SPIDR: variants seen among roughly 807,000 people sequenced by gnomAD.
SPIDR encodes scaffold protein involved in DNA repair.
SPIDR carries 93 observed loss-of-function variants against 104.6 expected under a neutral mutation model. The observed-to-expected ratio is 0.89, with a 90% CI of 0.75 to 1.06. The LOEUF (loss-of-function observed/expected upper bound fraction) is 1.06, where lower values mean the gene tolerates loss of function less well. Among genes scored for constraint, SPIDR ranks in the 50% least tolerant of loss-of-function variants. The pLI is 0.00. For missense variants in SPIDR, 1,154 were observed against 1,111.2 expected, an observed-to-expected ratio of 1.04 and a Z score of -0.55; for synonymous variants, 431 against 416.9, an observed-to-expected ratio of 1.03 and a Z score of -0.41.
intron 11 of SPIDR, among the ~76,000 whole-genome samples, chr8:47,680,590 AT>A: frequency 6.6e-6 from 1 of 152,344 alleles, no homozygotes; most frequent in South Asian, 2.1e-4. Context: ...AGAAACTTCA[AT>A]AGTAATTTAC....
intron 8 of SPIDR, among the ~76,000 whole-genome samples, chr8:47,447,536 A>G (rs568265851): frequency 6.6e-6 from 1 of 152,282 alleles, no homozygotes; most frequent in African/African-American, 2.4e-5. Context: ...CTTTAGATGG[A>G]ATATAATCCT....
At chr8:47,373,483 A>G (rs2058292178) in intron 5 of SPIDR, among the ~76,000 whole-genome samples, 1 of 150,742 alleles carries the variant, frequency 6.6e-6, no homozygotes, top group South Asian at 2.1e-4. Flanking sequence ...TTTAGGTGGG[A>G]TTTTTTTTCT....
At chr8:47,622,725 A>G (rs556721644) in intron 10 of SPIDR, among the ~76,000 whole-genome samples, 69 of 152,246 alleles carry the variant, frequency 4.5e-4, no homozygotes, top group African/African-American at 1.3e-3. Context: ...ATTGAATCAC[A>G]CTTTGAGCCT....
At chr8:47,476,596 T>G (rs140310279) in intron 8 of SPIDR, among the ~76,000 whole-genome samples, 98 of 152,180 alleles carry the variant, frequency 6.4e-4, no homozygotes, top group Non-Finnish European at 1.1e-3. Context: ...CCTCCGAGAC[T>G]CCCTTCACCC....
At chr8:47,354,936 C>T (rs1298994864) in intron 5 of SPIDR, among the ~76,000 whole-genome samples, 1 of 152,078 alleles carries the variant, frequency 6.6e-6, no homozygotes, top group East Asian at 1.9e-4. Context: ...AGCTACCACA[C>T]CAAGCCCTAA....
chr8:47,273,512 G>A (rs1182466861), intron 1 of SPIDR, among the ~76,000 whole-genome samples: 3 of 152,068 alleles, frequency 2.0e-5, no homozygotes, highest in African/African-American at 7.2e-5. Context: ...CTCTCTGGGC[G>A]AACCACCCTC....
At chr8:47,304,818 G>A (rs1222321270) in intron 5 of SPIDR, among the ~76,000 whole-genome samples, 1 of 152,212 alleles carries the variant, frequency 6.6e-6, no homozygotes, top group African/African-American at 2.4e-5. Flanking sequence ...TATATTAAAA[G>A]AACCTTTTAA....
chr8:47,689,238 A>G (rs964009199), intron 11 of SPIDR, among the ~76,000 whole-genome samples: 3 of 152,162 alleles, frequency 2.0e-5, no homozygotes, highest in Admixed American at 6.5e-5. Context: ...GGAAGCATCA[A>G]GTGTTTTTGA....
intron 10 of SPIDR, among the ~76,000 whole-genome samples, chr8:47,665,326 C>T (rs543890127): frequency 6.6e-6 from 1 of 152,276 alleles, no homozygotes; most frequent in African/African-American, 2.4e-5. Flanking sequence ...TTACTTACAC[C>T]ATACTTTCCT....
intron 5 of SPIDR, among the ~76,000 whole-genome samples, chr8:47,394,556 G>A (rs1554656649): frequency 6.6e-6 from 1 of 152,220 alleles, no homozygotes; most frequent in African/African-American, 2.4e-5. Flanking sequence ...AGCGGGGAGA[G>A]GCGAGGGTGC....
At chr8:47,425,909 A>C (rs529262730) in intron 7 of SPIDR, among the ~76,000 whole-genome samples, 1 of 152,214 alleles carries the variant, frequency 6.6e-6, no homozygotes, top group South Asian at 2.1e-4. Flanking sequence ...ACAGCTTAAC[A>C]AGTGTTATAT....
chr8:47,705,065 C>T (rs746569366), intron 14 of SPIDR, among the ~76,000 whole-genome samples: 14 of 152,210 alleles, frequency 9.2e-5, no homozygotes, highest in Non-Finnish European at 1.6e-4. Context: ...AGCCACGTGG[C>T]AGTTGCAGCT....
chr8:47,303,129 C>G (rs2042481582), intron 5 of SPIDR, among the ~76,000 whole-genome samples: 1 of 152,230 alleles, frequency 6.6e-6, no homozygotes, highest in African/African-American at 2.4e-5. Flanking sequence ...TTTACCTACT[C>G]AAGCCTTGGC....
intron 10 of SPIDR, among the ~76,000 whole-genome samples, chr8:47,659,232 C>G (rs2073588012): frequency 6.6e-6 from 1 of 152,200 alleles, no homozygotes; most frequent in Admixed American, 6.5e-5. Flanking sequence ...GTACTCCAGC[C>G]TGGGAGACGG....
intron 8 of SPIDR, among the ~76,000 whole-genome samples, chr8:47,557,518 A>T (rs1452407947): frequency 6.6e-6 from 1 of 152,202 alleles, no homozygotes; most frequent in Admixed American, 6.5e-5. Flanking sequence ...GAAACTGATT[A>T]TATAATATTT....
intron 5 of SPIDR, among the ~76,000 whole-genome samples, chr8:47,351,157 T>TA (rs1185789921): frequency 2.0e-5 from 3 of 152,332 alleles, no homozygotes; most frequent in African/African-American, 7.2e-5. Flanking sequence ...GGCATGTTGT[T>TA]ACAATCGTTC....
At chr8:47,663,443 A>C (rs1185653799) in intron 10 of SPIDR, among the ~76,000 whole-genome samples, 1 of 152,260 alleles carries the variant, frequency 6.6e-6, no homozygotes, top group Non-Finnish European at 1.5e-5. Context: ...TGCTGTATTT[A>C]GCACATGAAT....
rs572194119 is a variant in SPIDR at position 47,462,302 on chromosome 8, G to A, written c.1097+21760G>A. Among the ~76,000 whole-genome samples the A allele has an allele frequency of 2.6e-5, 4 of 152,290 alleles. No individual in the cohort carries two copies. The East Asian group carries it at 5.8e-4, about 22-fold the overall frequency. The stretch of plus-strand genomic sequence containing the variant: ...TTTCTCTGCCAACGATACCAACACA[G>A]TATTTAGGGTGTCTCTTGGGTCCTG... On this transcript the variant is annotated intron_variant, in intron 8 of 19. Coordinates refer to ENST00000297423, the MANE Select transcript of SPIDR (RefSeq NM_001080394.4).
intron 5 of SPIDR, among the ~76,000 whole-genome samples, chr8:47,300,929 T>G (rs1217660513): frequency 6.6e-6 from 1 of 152,158 alleles, no homozygotes; most frequent in Admixed American, 6.5e-5. Context: ...TTCTGTTGAT[T>G]GGGGGTGGAG....
Sources: allele counts gnomAD v4.1 joint callset (sites outside exome capture counted in the v4.1 genomes callset), GRCh38; gene constraint gnomAD v4.1.1; transcripts MANE v1.5; gene names NCBI Gene and HGNC (gene_info 2026-07-23, HGNC 2026-07-21).